Variants in GNA14 observed in about 807,000 individuals in gnomAD.
The protein encoded by GNA14 is guanine nucleotide-binding protein subunit alpha-14.
Under a neutral mutation model 42.0 loss-of-function variants are expected in GNA14, and 50 were observed. The ratio of observed to expected loss-of-function variants is 1.19; its 90% CI spans 0.95 to 1.51. GNA14 has a LOEUF of 1.51. Among genes scored for constraint, GNA14 ranks in the 40% most tolerant of loss-of-function variants. The pLI, the probability that GNA14 is intolerant of heterozygous loss-of-function variation, is 0.00. For missense variants in GNA14, 473 were observed against 446.2 expected (o/e 1.06, Z -0.54); for synonymous variants, 173 against 163.1 (o/e 1.06, Z -0.46).
chr9:77,451,427 C>A (rs1014833396), intron 2 of GNA14, among the ~76,000 whole-genome samples: 3 of 152,140 alleles, frequency 2.0e-5, no homozygotes, highest in Non-Finnish European at 4.4e-5. Flanking sequence ...ATCATTGTAA[C>A]TATACTTAGC....
At chr9:77,581,180 G>C (rs561094915) in intron 1 of GNA14, among the ~76,000 whole-genome samples, 5 of 152,320 alleles carry the variant, frequency 3.3e-5, no homozygotes, top group African/African-American at 1.2e-4. Flanking sequence ...AGTGGAAGGA[G>C]TCCCATTTAC....
intron 2 of GNA14, among the ~76,000 whole-genome samples, chr9:77,511,818 G>A (rs1018874538): frequency 3.3e-5 from 5 of 152,202 alleles, no homozygotes; most frequent in Non-Finnish European, 7.3e-5. Flanking sequence ...GAGGCCTGGA[G>A]AAGCAATCAA....
chr9:77,595,219 A>T (rs1488338142), intron 1 of GNA14, among the ~76,000 whole-genome samples: 6 of 152,000 alleles, frequency 3.9e-5, no homozygotes, highest in African/African-American at 1.5e-4. Flanking sequence ...ATGCTTGGTG[A>T]ATATTTGTTA....
At chr9:77,619,135 A>G (rs1823882612) in intron 1 of GNA14, among the ~76,000 whole-genome samples, 1 of 152,120 alleles carries the variant, frequency 6.6e-6, no homozygotes, top group South Asian at 2.1e-4. Context: ...ACTGTAAGAG[A>G]AGATACAAGA....
At chr9:77,555,410 G>A (rs1822759315) in intron 1 of GNA14, among the ~76,000 whole-genome samples, 1 of 152,138 alleles carries the variant, frequency 6.6e-6, no homozygotes, top group Non-Finnish European at 1.5e-5. Flanking sequence ...AGGCTAAGGT[G>A]GGAGTAACGC....
chr9:77,548,107 T>C (rs1024276364), intron 1 of GNA14, among the ~76,000 whole-genome samples: 3 of 152,198 alleles, frequency 2.0e-5, no homozygotes, highest in African/African-American at 7.2e-5. Context: ...TGTAACAAAG[T>C]ACCTCATACT....
At chr9:77,560,850 G>GAA (rs960812303) in intron 1 of GNA14, among the ~76,000 whole-genome samples, 7 of 146,438 alleles carry the variant, frequency 4.8e-5, no homozygotes, top group African/African-American at 1.5e-4. Context: ...GGGAATGGTG[G>GAA]AAAAAAAAAA....
At chr9:77,495,658 A>G (rs1391393014) in intron 2 of GNA14, among the ~76,000 whole-genome samples, 17 of 152,230 alleles carry the variant, frequency 1.1e-4, no homozygotes, top group Admixed American at 9.2e-4. Flanking sequence ...TACATTCTCT[A>G]AAGTTTACTG....
chr9:77,603,656 T>G (rs116433671), intron 1 of GNA14, among the ~76,000 whole-genome samples: 28 of 151,836 alleles, frequency 1.8e-4, no homozygotes, highest in African/African-American at 4.8e-5. Context: ...CAGCCAGCAA[T>G]GTGTCACGGG....
At chr9:77,589,911 A>C (rs1823365532) in intron 1 of GNA14, among the ~76,000 whole-genome samples, 2 of 152,138 alleles carry the variant, frequency 1.3e-5, no homozygotes, top group South Asian at 4.1e-4. Context: ...AAACCAGTAC[A>C]AAGTCAGGTT....
At chr9:77,544,948 C>T (rs868344270) in intron 1 of GNA14, among the ~76,000 whole-genome samples, 9 of 152,092 alleles carry the variant, frequency 5.9e-5, no homozygotes, top group Non-Finnish European at 1.2e-4. Context: ...AACACTACAG[C>T]AGTTAACACA....
rs769802946 is a variant in GNA14, at chr9:77,638,235, G to T, written c.124+9435C>A. Among the ~76,000 whole-genome samples, 4 of 152,302 alleles carry T rather than the reference G, an allele frequency of 2.6e-5. No homozygotes were observed. In the East Asian group the frequency reaches 5.8e-4, roughly 22 times the overall value. Reference sequence around the variant, plus strand: ...AACTGGTTCAGGTGCCAGGATACAGGAACAAGATAGCACAGCCCCACTCTC... The same window carrying T: ...AACTGGTTCAGGTGCCAGGATACAGTAACAAGATAGCACAGCCCCACTCTC... On this transcript the variant is annotated intron_variant, in intron 1 of 6. Transcript: ENST00000341700.
At chr9:77,460,360 G>C (rs940877771) in intron 2 of GNA14, among the ~76,000 whole-genome samples, 1 of 152,240 alleles carries the variant, frequency 6.6e-6, no homozygotes, top group Non-Finnish European at 1.5e-5. Context: ...ACCAGCAGCA[G>C]CTGGGAGAGA....
At chr9:77,564,588 T>A (rs1822937265) in intron 1 of GNA14, among the ~76,000 whole-genome samples, 2 of 152,202 alleles carry the variant, frequency 1.3e-5, no homozygotes, top group South Asian at 4.2e-4. Context: ...CAGTCCTCCC[T>A]TTGGGAGGCG....
At chr9:77,560,512 T>A (rs1822865097) in intron 1 of GNA14, among the ~76,000 whole-genome samples, 1 of 152,062 alleles carries the variant, frequency 6.6e-6, no homozygotes, top group African/African-American at 2.4e-5. Flanking sequence ...GATTGGGTTT[T>A]CCCATGTTGC....
At chr9:77,508,851 T>C (rs145830049) in intron 2 of GNA14, among the ~76,000 whole-genome samples, 5 of 152,174 alleles carry the variant, frequency 3.3e-5, no homozygotes, top group African/African-American at 7.2e-5. Flanking sequence ...GGGGCTCCTA[T>C]TGGCCAATTT....
chr9:77,535,401 G>C (rs1406373017), intron 1 of GNA14, among the ~76,000 whole-genome samples: 1 of 152,088 alleles, frequency 6.6e-6, no homozygotes, highest in Non-Finnish European at 1.5e-5. Context: ...AAAATTAGCC[G>C]GGTGTGGTGG....
intron 1 of GNA14, among the ~76,000 whole-genome samples, chr9:77,566,897 T>C (rs1003691272): frequency 6.6e-6 from 1 of 152,174 alleles, no homozygotes; most frequent in African/African-American, 2.4e-5. Context: ...TGAACTTCAA[T>C]AGTCTCAAAT....
chr9:77,464,547 C>A (rs962264697), intron 2 of GNA14, among the ~76,000 whole-genome samples: 1 of 151,798 alleles, frequency 6.6e-6, no homozygotes, highest in African/African-American at 2.4e-5. Context: ...TTTTTAAAAA[C>A]ATTTTTTTTG....
Sources: allele counts gnomAD v4.1 joint callset (sites outside exome capture counted in the v4.1 genomes callset), GRCh38; gene constraint gnomAD v4.1.1; transcripts MANE v1.5; gene names NCBI Gene and HGNC (gene_info 2026-07-23, HGNC 2026-07-21).